RUNX2: variants seen among roughly 807,000 people sequenced by gnomAD.
The protein encoded by RUNX2 is RUNX family transcription factor 2, also known as runt-related transcription factor 2.
RUNX2 carries 10 observed loss-of-function variants against 51.7 expected under a neutral mutation model. That is an observed-to-expected ratio of 0.19 (90% CI 0.12 to 0.33). The LOEUF (loss-of-function observed/expected upper bound fraction) is 0.33, where lower values mean the gene tolerates loss of function less well. Ranked by LOEUF, RUNX2 falls within the 10% of genes least tolerant of loss-of-function variation. The probability of loss-of-function intolerance (pLI) is 1.00; values close to 1 mark genes in which losing one functional copy is unlikely to be tolerated. For missense variants in RUNX2, 562 were observed against 691.3 expected (o/e 0.81, Z 2.10); for synonymous variants, 276 against 273.6 (o/e 1.01, Z -0.09).
At chr6:45,421,582 A>T (rs1004924880) in intron 2 of RUNX2, 9 of 152,356 alleles carry the variant, frequency 5.9e-5, no homozygotes, top group African/African-American at 2.2e-4. Context: ...ACAACGAAAA[A>T]TAGCGACAGT....
chr6:45,350,071 C>T (rs144950007), intron 2 of RUNX2, among the ~76,000 whole-genome samples: 7 of 152,190 alleles, frequency 4.6e-5, no homozygotes, highest in African/African-American at 1.7e-4. Context: ...AGTTTTTATA[C>T]ACAAAACTAT....
At chr6:45,346,295 A>G (rs1278290655) in intron 2 of RUNX2, among the ~76,000 whole-genome samples, 4 of 152,300 alleles carry the variant, frequency 2.6e-5, no homozygotes, top group African/African-American at 9.6e-5. Flanking sequence ...TTCATAGGAA[A>G]TGCTATGAGA....
At chr6:45,530,504 C>T (rs915120067) in intron 7 of RUNX2, among the ~76,000 whole-genome samples, 4 of 152,186 alleles carry the variant, frequency 2.6e-5, no homozygotes, top group Non-Finnish European at 4.4e-5. Context: ...CCCACAGTAT[C>T]CTATTGCATA....
intron 5 of RUNX2, among the ~76,000 whole-genome samples, chr6:45,474,098 G>A (rs1309428334): frequency 1.3e-5 from 2 of 152,052 alleles, no homozygotes; most frequent in African/African-American, 2.4e-5. Flanking sequence ...CTTAAGGTCA[G>A]GTTAATTGCA....
rs546454766 is a variant in RUNX2 at position 45,404,285 on chromosome 6, A to C, written c.59-18308A>C. ...AAAAAAAAAAAAAAAGAAAAAGAAAAAAGAAAAAAAAAAGGAAAAAAAAGA... is the reference window on the plus strand; with the variant it reads ...AAAAAAAAAAAAAAAGAAAAAGAAACAAGAAAAAAAAAAGGAAAAAAAAGA... On this transcript the variant is annotated intron_variant, in intron 2 of 8. Transcript: ENST00000647337. 8.1e-3 allele frequency among the ~76,000 whole-genome samples: 1,134 copies of C among 139,886 alleles called. 14 individuals are homozygous for C. The highest frequency in any genetic ancestry group is 0.03 in the Middle Eastern group (8 of 268). 91.8% of individuals were successfully genotyped at this position (139,886 alleles called of 152,430 possible). A position where few individuals can be genotyped will look rare whatever the true frequency, so the allele number is the denominator to read the frequency against.
At chr6:45,442,527 G>A (rs1310658160) in intron 5 of RUNX2, among the ~76,000 whole-genome samples, 1 of 152,212 alleles carries the variant, frequency 6.6e-6, no homozygotes. Context: ...ATATTCTATA[G>A]AAGTGGTTCA....
intron 2 of RUNX2, among the ~76,000 whole-genome samples, chr6:45,348,072 G>T (rs1791252783): frequency 6.6e-6 from 1 of 151,868 alleles, no homozygotes; most frequent in South Asian, 2.1e-4. Context: ...CCTCTAAATG[G>T]CCTGCTTATG....
At chr6:45,488,066 T>A (rs959562883) in intron 5 of RUNX2, among the ~76,000 whole-genome samples, 15 of 152,248 alleles carry the variant, frequency 9.9e-5, no homozygotes, top group Admixed American at 5.9e-4. Flanking sequence ...GCTCTTGAGA[T>A]GGGAAACTGA....
chr6:45,378,307 C>T (rs1475725675), intron 2 of RUNX2, among the ~76,000 whole-genome samples: 7 of 152,174 alleles, frequency 4.6e-5, no homozygotes, highest in Non-Finnish European at 1.0e-4. Context: ...ATTGGGTGAC[C>T]GGCACTGGAA....
chr6:45,500,080 T>C (rs1800761596), intron 6 of RUNX2, among the ~76,000 whole-genome samples: 1 of 152,256 alleles, frequency 6.6e-6, no homozygotes. Context: ...TATTAACTTA[T>C]GGGGTAACCC....
At chr6:45,423,703 G>C (rs1036468038) in intron 3 of RUNX2, among the ~76,000 whole-genome samples, 10 of 152,204 alleles carry the variant, frequency 6.6e-5, no homozygotes, top group Non-Finnish European at 1.3e-4. Context: ...GTGTCAGGGC[G>C]GGGGCGTTTG....
chr6:45,545,219 G>A lies in RUNX2; in HGVS notation c.1024G>A (p.Asp342Asn), dbSNP rs1222286451. 1 of 1,548,192 alleles carries A rather than the reference G, an allele frequency of 6.5e-7. No homozygotes were observed. The highest frequency in any genetic ancestry group is 2.0e-5 in the Admixed American group (1 of 50,980). Residue 342 changes from aspartate to asparagine, a missense_variant and splice_region_variant, in exon 8 of 9, where the codon GAT (aspartate) becomes AAT (asparagine). Physicochemically the swap from Asp to Asn is conservative, Grantham distance 23 (BLOSUM62 1). Coordinates refer to ENST00000647337, the MANE Select transcript of RUNX2 (RefSeq NM_001024630.4). ...AGCTCATCCCCCTCATTTTACAGAT[G>A]ATGACACTGCCACCTCTGACTTCTG... ...ITDVPRRISDDDTATSDFCLW... is the reference protein window; with the variant it reads ...ITDVPRRISDNDTATSDFCLW...
chr6:45,423,438 C>G (rs1160161308), intron 3 of RUNX2, among the ~76,000 whole-genome samples: 1 of 152,116 alleles, frequency 6.6e-6, no homozygotes, highest in African/African-American at 2.4e-5. Flanking sequence ...CGCGCAGCCT[C>G]TCTTTGGGGC....
intron 2 of RUNX2, among the ~76,000 whole-genome samples, chr6:45,342,418 C>T (rs111469485): frequency 0.033 from 5,024 of 152,128 alleles, 118 homozygotes; most frequent in Middle Eastern, 0.051. Flanking sequence ...CGCACCACCA[C>T]GCCCAGATAA....
intron 7 of RUNX2, among the ~76,000 whole-genome samples, chr6:45,525,347 A>G (rs962344596): frequency 1.1e-4 from 17 of 152,358 alleles, no homozygotes; most frequent in African/African-American, 3.1e-4. Context: ...CTGATAAAAC[A>G]GCAGTTGCTC....
chr6:45,365,387 T>A, intron 2 of RUNX2: 1 of 863,138 alleles, frequency 1.2e-6, no homozygotes, highest in South Asian at 1.7e-5. Context: ...ATAAATTACT[T>A]CAAAAAGTAG....
intron 2 of RUNX2, among the ~76,000 whole-genome samples, chr6:45,409,638 G>C (rs1239931287): frequency 6.6e-6 from 1 of 152,022 alleles, no homozygotes; most frequent in East Asian, 1.9e-4. Context: ...AGTTCCCATT[G>C]AGCCACAGCC....
Position 45,387,117 on chromosome 6 carries a change from A to G in RUNX2, c.59-35476A>G, listed in dbSNP as rs147729033. On this transcript the variant is annotated intron_variant, in intron 2 of 8. Coordinates refer to ENST00000647337, the MANE Select transcript of RUNX2 (RefSeq NM_001024630.4). ...TATATAACTTGGGTACTCGTAAGAC[A>G]TGAGGATAGAAGTAAGGCAAAGAAG... Among the ~76,000 whole-genome samples, 391 of 152,318 alleles carry G rather than the reference A, an allele frequency of 2.6e-3. 3 individuals carry two copies. The highest frequency in any genetic ancestry group is 8.6e-3 in the African/African-American group (357 of 41,566).
At chr6:45,335,638 T>G (rs1290113805) in intron 2 of RUNX2, among the ~76,000 whole-genome samples, 2 of 151,226 alleles carry the variant, frequency 1.3e-5, no homozygotes, top group Non-Finnish European at 3.0e-5. Context: ...CCACATTATA[T>G]CAATCACTGT....
Sources: gnomAD v4.1 joint callset for allele counts (sites outside exome capture counted in the v4.1 genomes callset) on GRCh38, gnomAD v4.1.1 for gene constraint, MANE v1.5 for transcripts, NCBI Gene and HGNC (gene_info 2026-07-23, HGNC 2026-07-21) for gene names.